XYLT1: variants seen among roughly 807,000 people sequenced by gnomAD.
The protein encoded by XYLT1 is beta-D-xylosyltransferase 1.
Under a neutral mutation model 91.3 loss-of-function variants are expected in XYLT1, and 36 were observed. The observed-to-expected ratio is 0.39, with a 90% CI of 0.30 to 0.52. The LOEUF (loss-of-function observed/expected upper bound fraction) is 0.52, where lower values mean the gene tolerates loss of function less well. XYLT1 is among the 20% of genes least tolerant of loss of function. The pLI is 0.68. For synonymous variants in XYLT1, 588 were observed against 532.0 expected (o/e 1.11, Z -1.45); for missense variants, 1,242 against 1,284.5 (o/e 0.97, Z 0.51).
chr16:17,127,997 G>C, intron 9 of XYLT1, 136 bp from the exon 10 acceptor site: 1 of 697,962 alleles, frequency 1.4e-6, no homozygotes, highest in South Asian at 2.2e-5. Flanking sequence ...TGCGTCCTCT[G>C]TATCTATGAT....
At chr16:17,411,595 T>C (rs2036108620) in intron 1 of XYLT1, among the ~76,000 whole-genome samples, 1 of 152,186 alleles carries the variant, frequency 6.6e-6, no homozygotes, top group Non-Finnish European at 1.5e-5. Context: ...AACAATCACT[T>C]CCAAACAGCA....
At chr16:17,430,292 T>C (rs911044856) in intron 1 of XYLT1, among the ~76,000 whole-genome samples, 5 of 152,096 alleles carry the variant, frequency 3.3e-5, no homozygotes, top group Non-Finnish European at 7.4e-5. Context: ...ACCATGATGC[T>C]CAAATGAAAC....
Position 17,379,879 on chromosome 16 carries a change from A to G in XYLT1, c.364-21829T>C, listed in dbSNP as rs77766951. ...TCCAAAGACCATCATTTGTATTTGT[A>G]TTTGAAAGATTGCTTAGGCTGAATT... On this transcript the variant is annotated intron_variant, in intron 1 of 11. Transcript: ENST00000261381. Among the ~76,000 whole-genome samples the G allele has an allele frequency of 5.6e-3, 858 of 152,106 alleles. 5 individuals are homozygous for G. The highest frequency in any genetic ancestry group is 0.01 in the Middle Eastern group (3 of 294).
chr16:17,313,878 T>G lies in XYLT1; in HGVS notation c.402+44134A>C, dbSNP rs1167978707. Among the ~76,000 whole-genome samples the G allele has an allele frequency of 2.0e-5, 3 of 151,980 alleles. No individual in the cohort carries two copies. In the East Asian group the frequency reaches 5.8e-4, roughly 29 times the overall value. ...CCAAACTATGAACCTACAGGGAGAA[T>G]GGGAATAAGGGGATATAATTAAGGG... On this transcript the variant is annotated intron_variant, in intron 2 of 11. Transcript: ENST00000261381.
chr16:17,450,362 CAAA>C lies in XYLT1; in HGVS notation c.363+20069_363+20071del, dbSNP rs1195577105. On this transcript the variant is annotated intron_variant, in intron 1 of 11. Coordinates refer to ENST00000261381, the MANE Select transcript of XYLT1 (RefSeq NM_022166.4). Reference sequence around the variant, plus strand: ...CAAAACAAACAAACAAACAAACAAACAAAAAAAAAAAGGTGAGAAGGATTCTAG... The same window carrying C: ...CAAAACAAACAAACAAACAAACAAACAAAAAAAAGGTGAGAAGGATTCTAG... 3.0e-3 allele frequency among the ~76,000 whole-genome samples: 435 copies of C among 145,530 alleles called. 5 individuals are homozygous for C. Among genetic ancestry groups the C allele is most frequent in the African/African-American group, 0.01 (416 of 40,704 alleles).
At position 17,127,739 on chromosome 16, in the gene XYLT1, G is replaced by C; in HGVS notation, c.2150C>G (p.Thr717Ser). ...LAVSKLETLE[T>S]WVMPKKVFKI... is the part of the protein sequence containing the mutation. ...GAAGACTTTTTTCGGCATCACCCAG[G>C]TCTCCAGAGTCTCTAGTTTGCTCAC... Residue 717 changes from threonine to serine, a missense_variant, in exon 10 of 12, where the codon ACC (threonine) becomes AGC (serine). Physicochemically the swap from Thr to Ser is moderately conservative, Grantham distance 58. This residue lies in a region of XYLT1 where 511 missense variants were observed against 497.0 expected (regional missense o/e 1.03). Coordinates refer to ENST00000261381, the MANE Select transcript of XYLT1 (RefSeq NM_022166.4). 6.2e-7 allele frequency: 1 copy of C among 1,614,156 alleles called. No homozygotes were observed.
intron 11 of XYLT1, among the ~76,000 whole-genome samples, chr16:17,117,156 G>T (rs1313583757): frequency 6.6e-6 from 1 of 152,204 alleles, no homozygotes; most frequent in Non-Finnish European, 1.5e-5. Flanking sequence ...TAGTGGGCTG[G>T]ATTGGCCAAC....
intron 3 of XYLT1, among the ~76,000 whole-genome samples, chr16:17,206,197 A>G (rs1437781894): frequency 6.6e-6 from 1 of 152,114 alleles, no homozygotes; most frequent in Non-Finnish European, 1.5e-5. Flanking sequence ...AGATGAGGAA[A>G]AGTTTCACAG....
intron 2 of XYLT1, among the ~76,000 whole-genome samples, chr16:17,337,279 CT>C (rs1457714932): frequency 6.6e-6 from 1 of 152,112 alleles, no homozygotes; most frequent in Admixed American, 6.5e-5. Context: ...CCTCCACCTC[CT>C]GGGTTCAAGC....
chr16:17,239,452 T>TCATC (rs540533647), intron 3 of XYLT1, among the ~76,000 whole-genome samples: 2 of 137,098 alleles, frequency 1.5e-5, no homozygotes, highest in Admixed American at 1.5e-4. Flanking sequence ...TCCAGTCCAT[T>TCATC]CATCCATCCA....
At chr16:17,411,721 T>C (rs987665743) in intron 1 of XYLT1, among the ~76,000 whole-genome samples, 6 of 152,160 alleles carry the variant, frequency 3.9e-5, no homozygotes, top group Admixed American at 6.5e-5. Flanking sequence ...TTGTGGTACA[T>C]TCGGCTTCAC....
chr16:17,367,135 C>CTG (rs1596506015), intron 1 of XYLT1, among the ~76,000 whole-genome samples: 1 of 152,166 alleles, frequency 6.6e-6, no homozygotes, highest in East Asian at 1.9e-4. Context: ...TACCAGAGCC[C>CTG]GGCTCAGTCC....
At chr16:17,260,032 A>T (rs1466794040) in intron 2 of XYLT1, among the ~76,000 whole-genome samples, 1 of 142,498 alleles carries the variant, frequency 7.0e-6, no homozygotes, top group Non-Finnish European at 1.6e-5. Context: ...ACCAGCCGCA[A>T]TTTTTTTTTT....
At chr16:17,195,003 A>G (rs1302270852) in intron 5 of XYLT1, among the ~76,000 whole-genome samples, 4 of 152,206 alleles carry the variant, frequency 2.6e-5, no homozygotes, top group African/African-American at 9.6e-5. Flanking sequence ...TCCATTGTTT[A>G]AATTTCTCAA....
intron 5 of XYLT1, chr16:17,193,063 T>C (rs930170319): frequency 2.0e-5 from 3 of 152,178 alleles, no homozygotes; most frequent in Non-Finnish European, 4.4e-5. Flanking sequence ...TCCACCTGCC[T>C]TGGCCTCCCA....
chr16:17,206,698 T>C (rs1303989049), intron 3 of XYLT1, among the ~76,000 whole-genome samples: 1 of 152,200 alleles, frequency 6.6e-6, no homozygotes, highest in Admixed American at 6.5e-5. Context: ...ATGGTGTCAC[T>C]GCACTCTGGC....
chr16:17,287,104 T>A (rs1276924742), intron 2 of XYLT1, among the ~76,000 whole-genome samples: 2 of 152,036 alleles, frequency 1.3e-5, no homozygotes, highest in African/African-American at 2.4e-5. Flanking sequence ...CTTAACTCCC[T>A]CCTGTAGTTA....
chr16:17,128,718 G>A (rs1331279388), intron 9 of XYLT1, among the ~76,000 whole-genome samples: 1 of 152,184 alleles, frequency 6.6e-6, no homozygotes, highest in African/African-American at 2.4e-5. Context: ...AAAACTTGCT[G>A]GCTGAAAAGG....
chr16:17,202,163 C>G (rs1276234766), intron 3 of XYLT1, among the ~76,000 whole-genome samples: 1 of 152,200 alleles, frequency 6.6e-6, no homozygotes, highest in Admixed American at 6.5e-5. Context: ...TCACTTGGGT[C>G]CAACCCAATT....
Sources: gnomAD v4.1 joint callset for allele counts (sites outside exome capture counted in the v4.1 genomes callset) on GRCh38, gnomAD v4.1.1 for gene constraint, gnomAD v4.1.1 regional missense constraint, MANE v1.5 for transcripts, NCBI Gene and HGNC (gene_info 2026-07-23, HGNC 2026-07-21) for gene names.